MLLT3: variants seen among roughly 807,000 people sequenced by gnomAD.
MLLT3 encodes protein AF-9.
A neutral mutation model predicts 53.2 loss-of-function variants in MLLT3; 4 were observed. The ratio of observed to expected loss-of-function variants is 0.08; its 90% CI spans 0.04 to 0.17. MLLT3 has a LOEUF of 0.17. Among genes scored for constraint, MLLT3 ranks in the 10% least tolerant of loss-of-function variants. MLLT3 has a pLI of 1.00. For synonymous variants in MLLT3, 283 were observed against 230.6 expected (o/e 1.23, Z -2.06); for missense variants, 569 against 684.0 (o/e 0.83, Z 1.87).
At chr9:20,586,589 CTG>C (rs1039941548) in intron 2 of MLLT3, among the ~76,000 whole-genome samples, 1 of 151,922 alleles carries the variant, frequency 6.6e-6, no homozygotes, top group African/African-American at 2.4e-5. Flanking sequence ...AGCTGGGAAA[CTG>C]AGATAGGCAA....
chr9:20,366,039 A>T (rs1436964222), intron 5 of MLLT3, among the ~76,000 whole-genome samples: 1 of 152,188 alleles, frequency 6.6e-6, no homozygotes, highest in East Asian at 1.9e-4. Flanking sequence ...CCCTCTTTTC[A>T]TCTTAGATAT....
chr9:20,529,119 C>CT (rs1818267718), intron 2 of MLLT3, among the ~76,000 whole-genome samples: 2 of 152,280 alleles, frequency 1.3e-5, no homozygotes, highest in South Asian at 4.1e-4. Context: ...ACTACTGACT[C>CT]TAGGGCCACA....
chr9:20,348,566 G>A (rs974565147), intron 10 of MLLT3, among the ~76,000 whole-genome samples: 5 of 152,132 alleles, frequency 3.3e-5, no homozygotes, highest in African/African-American at 1.2e-4. Context: ...TCTCGACCAC[G>A]GATTACTTAC....
At position 20,532,318 on chromosome 9, in the gene MLLT3, A is replaced by AATAT. The variant is rs1554635713; in HGVS notation, c.194-75536_194-75533dup. Among the ~76,000 whole-genome samples the AATAT allele has an allele frequency of 1.2e-3, 186 of 151,648 alleles. 2 individuals carry two copies. The highest frequency in any genetic ancestry group is 4.3e-3 in the African/African-American group (177 of 41,308). On this transcript the variant is annotated intron_variant, in intron 2 of 10. Transcript: ENST00000380338. ...AAAATGTAAAAAAATAGGAAAAAAA[A>AATAT]ATATATATATATAAATCACTCAAAC... is the stretch of plus-strand genomic sequence containing the variant.
intron 2 of MLLT3, among the ~76,000 whole-genome samples, chr9:20,530,251 G>A (rs562301283): frequency 3.9e-5 from 6 of 152,288 alleles, no homozygotes; most frequent in African/African-American, 1.2e-4. Context: ...TCATACAACG[G>A]TTGGATTTTC....
At chr9:20,502,091 AAAGGG>A (rs1216129090) in intron 2 of MLLT3, among the ~76,000 whole-genome samples, 1 of 117,734 alleles carries the variant, frequency 8.5e-6, no homozygotes, top group African/African-American at 2.8e-5. Context: ...CAAAAAAAAA[AAAGGG>A]GGGGGGGGGG....
intron 5 of MLLT3, among the ~76,000 whole-genome samples, chr9:20,382,159 C>A (rs528377197): frequency 6.6e-6 from 1 of 151,816 alleles, no homozygotes; most frequent in Admixed American, 6.6e-5. Context: ...ATGTTATATG[C>A]ACATTAATCA....
chr9:20,531,532 C>A (rs1818336690), intron 2 of MLLT3, among the ~76,000 whole-genome samples: 1 of 152,134 alleles, frequency 6.6e-6, no homozygotes, highest in Non-Finnish European at 1.5e-5. Context: ...AGATTTCATC[C>A]TGCTGGCAAC....
rs1477265432 is a variant in MLLT3 at position 20,621,426 on chromosome 9, T to C, written c.13-592A>G. Among the ~76,000 whole-genome samples, 1 of 151,932 alleles carries C rather than the reference T, an allele frequency of 6.6e-6. No homozygotes were observed. Among genetic ancestry groups the C allele is most frequent in the African/African-American group, 2.4e-5 (1 of 41,338 alleles). Reference sequence around the variant, plus strand: ...CCACGGGGTTCGTGCACAACAAAAATGAGACGTCGTCATACACACTGAAAC... The same window carrying C: ...CCACGGGGTTCGTGCACAACAAAAACGAGACGTCGTCATACACACTGAAAC... On this transcript the variant is annotated intron_variant, in intron 1 of 10. Coordinates refer to ENST00000380338, the MANE Select transcript of MLLT3 (RefSeq NM_004529.4). This position sits in a 1 kb window ranked among gnomAD's most constrained non-coding sequence, Gnocchi z 7.0.
intron 5 of MLLT3, among the ~76,000 whole-genome samples, chr9:20,367,631 C>T (rs928520076): frequency 6.6e-6 from 1 of 152,162 alleles, no homozygotes; most frequent in Admixed American, 6.5e-5. Context: ...ATTTATTTCA[C>T]AATAACTTAG....
rs556907939 is a variant in MLLT3, at chr9:20,382,554, C to T, written c.1126-16810G>A. The T allele has an allele frequency of 2.0e-5, 3 of 152,004 alleles. No homozygotes were observed. The South Asian group carries it at 6.2e-4, about 32-fold the overall frequency. The allele number at this position is 152,004 out of a possible 1,614,324, so 9.4% of individuals were successfully genotyped here. ...CTGGCAGTTTAAATGACAGCAAACA[C>T]ATGGTCATGACTTCCCAATTGCTCA... On this transcript the variant is annotated intron_variant, in intron 5 of 10. Transcript: ENST00000380338.
intron 2 of MLLT3, among the ~76,000 whole-genome samples, chr9:20,605,359 A>G (rs1420656524): frequency 6.6e-6 from 1 of 152,060 alleles, no homozygotes; most frequent in East Asian, 1.9e-4. Flanking sequence ...TATTTCAGAC[A>G]TCTAGCTAAT....
intron 2 of MLLT3, among the ~76,000 whole-genome samples, chr9:20,538,356 ATAAG>A (rs903217868): frequency 2.6e-5 from 4 of 152,202 alleles, no homozygotes; most frequent in Admixed American, 6.5e-5. Context: ...CCCAAAATTT[ATAAG>A]TAAGTAAGTA....
At chr9:20,476,595 G>C (rs1049090818) in intron 2 of MLLT3, among the ~76,000 whole-genome samples, 11 of 151,908 alleles carry the variant, frequency 7.2e-5, no homozygotes, top group Non-Finnish European at 1.5e-4. Flanking sequence ...CCAAACAAAA[G>C]CTTATAAAAT....
chr9:20,371,014 T>C (rs1821584473), intron 5 of MLLT3, among the ~76,000 whole-genome samples: 3 of 152,164 alleles, frequency 2.0e-5, no homozygotes, highest in African/African-American at 7.2e-5. Context: ...TTATTGCTGA[T>C]ATGGAGAAAG....
At chr9:20,381,558 CCATT>C (rs1295438851) in intron 5 of MLLT3, among the ~76,000 whole-genome samples, 1 of 151,788 alleles carries the variant, frequency 6.6e-6, no homozygotes, top group Non-Finnish European at 1.5e-5. Flanking sequence ...AATCTAAATG[CCATT>C]CAGTCATATA....
At position 20,451,152 on chromosome 9, in the gene MLLT3, C is replaced by T. The variant is rs567267797; in HGVS notation, c.277-2886G>A. ...ATTGCTAACTGAATTAAAGGCAAGT[C>T]ACAGAAAAATATTAAATCATGCCCC... On this transcript the variant is annotated intron_variant, in intron 3 of 10. Transcript: ENST00000380338. 9.2e-4 allele frequency among the ~76,000 whole-genome samples: 140 copies of T among 152,240 alleles called. 1 individual carries two copies. The highest frequency in any genetic ancestry group is 1.7e-3 in the Non-Finnish European group (115 of 68,012).
At chr9:20,376,735 T>C (rs1293276601) in intron 5 of MLLT3, among the ~76,000 whole-genome samples, 1 of 152,152 alleles carries the variant, frequency 6.6e-6, no homozygotes, top group East Asian at 1.9e-4. Context: ...GCCTCAAGTC[T>C]TTTATCTCTC....
chr9:20,579,972 C>T (rs74851211), intron 2 of MLLT3, among the ~76,000 whole-genome samples: 5 of 152,136 alleles, frequency 3.3e-5, no homozygotes, highest in Non-Finnish European at 5.9e-5. Flanking sequence ...TCACCAGACT[C>T]GTGTGAGGTA....
Sources: allele counts gnomAD v4.1 joint callset (sites outside exome capture counted in the v4.1 genomes callset), GRCh38; gene constraint gnomAD v4.1.1; non-coding constraint Gnocchi (gnomAD v3.1); transcripts MANE v1.5; gene names NCBI Gene and HGNC (gene_info 2026-07-23, HGNC 2026-07-21).